CYP2J2: variants seen among roughly 807,000 people sequenced by gnomAD.
CYP2J2 encodes the protein cytochrome P450 family 2 subfamily J member 2, also known as cytochrome P450 2J2.
A neutral mutation model predicts 48.8 loss-of-function variants in CYP2J2; 41 were observed. The ratio of observed to expected loss-of-function variants is 0.84; its 90% CI spans 0.66 to 1.09. The LOEUF (loss-of-function observed/expected upper bound fraction) is 1.09, where lower values mean the gene tolerates loss of function less well. Ranked by LOEUF, CYP2J2 falls within the 50% of genes least tolerant of loss-of-function variation. CYP2J2 has a pLI of 0.00. For missense variants in CYP2J2, 644 were observed against 617.3 expected (o/e 1.04, Z -0.46); for synonymous variants, 221 against 227.1 (o/e 0.97, Z 0.24).
chr1:59,900,023 G>T (rs1644303537), intron 8 of CYP2J2, among the ~76,000 whole-genome samples: 1 of 152,034 alleles, frequency 6.6e-6, no homozygotes, highest in Non-Finnish European at 1.5e-5. Flanking sequence ...TTTGGACCTG[G>T]CTATCTTAAA....
At chr1:59,914,941 C>T (rs1644451365) in intron 2 of CYP2J2, among the ~76,000 whole-genome samples, 1 of 152,200 alleles carries the variant, frequency 6.6e-6, no homozygotes, top group South Asian at 2.1e-4. Flanking sequence ...AGGAGAAAAA[C>T]CACCCTATGG....
chr1:59,904,734 G>GA (rs1644350467), intron 7 of CYP2J2, 137 bp downstream of exon 7: 1 of 726,794 alleles, frequency 1.4e-6, no homozygotes, highest in Non-Finnish European at 2.2e-6. Context: ...TACACATGGA[G>GA]AAAATCTAGT....
chr1:59,897,331 G>A (rs575857028), intron 8 of CYP2J2, among the ~76,000 whole-genome samples: 2 of 152,346 alleles, frequency 1.3e-5, no homozygotes, highest in Admixed American at 1.3e-4. Context: ...CCAACTGTGT[G>A]ACTATTAATA....
At chr1:59,904,838 C>T in intron 7 of CYP2J2, 33 bp downstream of exon 7, 5 of 1,589,716 alleles carry the variant, frequency 3.1e-6, no homozygotes, top group Non-Finnish European at 4.3e-6. Flanking sequence ...TTCTACCCCC[C>T]TAAAAGATGG....
rs1191827901 is a variant in CYP2J2, at chr1:59,909,800, A to C, written c.845T>G (p.Leu282Arg). Residue 282 changes from leucine to arginine, a missense_variant, in exon 5 of 9, where the codon CTT (leucine) becomes CGT (arginine). Physicochemically the swap from Leu to Arg is moderately radical, Grantham distance 102 (BLOSUM62 -2). Transcript: ENST00000371204. ...AETRDFIDAY[L>R]KEMSKHTGNP... is the part of the protein sequence containing the mutation. Reference sequence around the variant, plus strand: ...TTTTCTCACCTTTGACATTTCTTTAAGGTAAGCATCAATAAAGTCTCTTGT... The same window carrying C: ...TTTTCTCACCTTTGACATTTCTTTACGGTAAGCATCAATAAAGTCTCTTGT... The C allele has an allele frequency of 6.3e-7, 1 of 1,583,966 alleles. No homozygotes were observed. Among genetic ancestry groups the C allele is most frequent in the Non-Finnish European group, 8.5e-7 (1 of 1,170,830 alleles).
At chr1:59,906,064 T>C (rs1644362286) in intron 6 of CYP2J2, among the ~76,000 whole-genome samples, 2 of 152,140 alleles carry the variant, frequency 1.3e-5, no homozygotes, top group Admixed American at 1.3e-4. Flanking sequence ...CGGGCGCCTG[T>C]AGTCCCAGCT....
At chr1:59,962,932 C>A in the CYP2J2 span, among the ~76,000 whole-genome samples, 7 of 152,206 alleles carry the variant, frequency 4.6e-5, no homozygotes, top group Non-Finnish European at 1.0e-4. Flanking sequence ...TTTTTCTCAA[C>A]AAGCTGACTC....
chr1:59,964,708 GATTA>G, the CYP2J2 span, among the ~76,000 whole-genome samples: 1 of 152,172 alleles, frequency 6.6e-6, no homozygotes, highest in African/African-American at 2.4e-5. Flanking sequence ...TTCACAGTCT[GATTA>G]ATTTAGTAAA....
the CYP2J2 span, among the ~76,000 whole-genome samples, chr1:59,936,113 T>C: frequency 6.6e-6 from 1 of 152,212 alleles, no homozygotes; most frequent in Non-Finnish European, 1.5e-5. Context: ...AATCCACCAC[T>C]TACCTATGTG....
At chr1:59,912,016 C>T in intron 3 of CYP2J2, 146 bp downstream of exon 3, 2 of 1,011,152 alleles carry the variant, frequency 2.0e-6, no homozygotes, top group Non-Finnish European at 2.8e-6. Flanking sequence ...ACTTCTAAAA[C>T]TCTTTGAGGA....
intron 8 of CYP2J2, among the ~76,000 whole-genome samples, chr1:59,900,430 C>T (rs1043246534): frequency 2.6e-5 from 4 of 152,136 alleles, no homozygotes; most frequent in Non-Finnish European, 4.4e-5. Context: ...GTCAGGAGTT[C>T]GAGACCAGCC....
At chr1:59,962,668 G>A in the CYP2J2 span, among the ~76,000 whole-genome samples, 2 of 152,148 alleles carry the variant, frequency 1.3e-5, no homozygotes, top group South Asian at 4.1e-4. Context: ...TGTTATAATT[G>A]AATAGGGATA....
the CYP2J2 span, among the ~76,000 whole-genome samples, chr1:59,931,948 A>T: frequency 6.6e-6 from 1 of 152,162 alleles, no homozygotes; most frequent in African/African-American, 2.4e-5. Context: ...ACATAGATAC[A>T]TTGTTTGACA....
chr1:59,914,767 C>T (rs549168694), intron 2 of CYP2J2, among the ~76,000 whole-genome samples: 2 of 152,266 alleles, frequency 1.3e-5, no homozygotes, highest in East Asian at 1.9e-4. Context: ...AAGACCTGAC[C>T]GACCCCCAGC....
intron 8 of CYP2J2, among the ~76,000 whole-genome samples, chr1:59,896,390 T>G (rs1574244064): frequency 6.6e-6 from 1 of 152,086 alleles, no homozygotes; most frequent in South Asian, 2.1e-4. Flanking sequence ...TCTACATTTA[T>G]TGATTCACCT....
intron 2 of CYP2J2, among the ~76,000 whole-genome samples, chr1:59,913,604 C>CTTAAGAGGTGTCTTA: frequency 6.6e-6 from 1 of 152,186 alleles, no homozygotes; most frequent in Non-Finnish European, 1.5e-5. Context: ...GCACCTACAT[C>CTTAAGAGGTGTCTTA]ATCATGTCTT....
Position 59,909,856 on chromosome 1 carries a change from G to A in CYP2J2, c.789C>T (p.Asp263=), listed in dbSNP as rs1644396640. 1 of 1,611,782 alleles carries A rather than the reference G, an allele frequency of 6.2e-7. No individual in the cohort carries two copies. The highest frequency in any genetic ancestry group is 1.3e-5 in the African/African-American group (1 of 74,852). The change falls in exon 5 of 9, where the codon GAC becomes GAT. Residue 263 remains aspartate (D), a synonymous_variant. Transcript: ENST00000371204. ...CAGGATTCCAATCCTTTCTGTGTTT[G>A]TCAATCATATGAGAAACAAACAATT... ...KLKLFVSHMI[D]KHRKDWNPAE...
the CYP2J2 span, among the ~76,000 whole-genome samples, chr1:59,953,899 CAGAA>C: frequency 1.3e-5 from 2 of 152,028 alleles, no homozygotes; most frequent in Non-Finnish European, 2.9e-5. Flanking sequence ...TTAGGAGTGA[CAGAA>C]AGACACTGGA....
chr1:59,918,606 G>A (rs1257918591), intron 1 of CYP2J2, among the ~76,000 whole-genome samples: 2 of 151,672 alleles, frequency 1.3e-5, no homozygotes, highest in African/African-American at 2.4e-5. Flanking sequence ...TGACCCAGAG[G>A]GCCTCTGAGA....
Sources: allele counts gnomAD v4.1 joint callset (sites outside exome capture counted in the v4.1 genomes callset), GRCh38; gene constraint gnomAD v4.1.1; transcripts MANE v1.5; gene names NCBI Gene and HGNC (gene_info 2026-07-23, HGNC 2026-07-21).